LIPF: variants seen among roughly 807,000 people sequenced by gnomAD.
LIPF encodes the protein gastric triacylglycerol lipase.
LIPF carries 25 observed loss-of-function variants against 38.0 expected under a neutral mutation model. That is an observed-to-expected ratio of 0.66 (90% CI 0.48 to 0.92). LIPF has a LOEUF of 0.92. LIPF is among the 40% of genes least tolerant of loss of function. The pLI is 0.00. For missense variants in LIPF, 410 were observed against 469.9 expected (o/e 0.87, Z 1.18); for synonymous variants, 161 against 156.2 (o/e 1.03, Z -0.23).
intron 4 of LIPF, 29 bp downstream of exon 4, chr10:88,668,785 C>A (rs1841552933): frequency 6.3e-7 from 1 of 1,590,356 alleles, no homozygotes. Context: ...TAAAAATAAA[C>A]ACTGGGCTTT....
chr10:88,672,639 C>T (rs1331702015), intron 6 of LIPF, among the ~76,000 whole-genome samples: 2 of 126,444 alleles, frequency 1.6e-5, no homozygotes, highest in Non-Finnish European at 3.2e-5. Flanking sequence ...CACACACACA[C>T]ACACACACAC....
At chr10:88,675,399 T>G (rs1169224937) in intron 7 of LIPF, 187 bp from the exon 8 acceptor site, 8 of 492,112 alleles carry the variant, frequency 1.6e-5, no homozygotes, top group South Asian at 3.6e-5. Context: ...ACAAATTAAA[T>G]GGGTTAACAC....
At chr10:88,673,264 G>C (rs560783300) in intron 6 of LIPF, among the ~76,000 whole-genome samples, 1 of 152,152 alleles carries the variant, frequency 6.6e-6, no homozygotes, top group South Asian at 2.1e-4. Flanking sequence ...CATTATGACA[G>C]TCTGTCATGT....
Position 88,670,002 on chromosome 10 carries a change from G to A in LIPF, c.532+56G>A, listed in dbSNP as rs546126718. The A allele has an allele frequency of 1.8e-4, 202 of 1,105,690 alleles. 4 individuals are homozygous for A. The South Asian group carries it at 2.6e-3, about 14-fold the overall frequency. 68.5% of individuals were successfully genotyped at this position (1,105,690 alleles called of 1,614,324 possible). ...TACTTCTCATAAACACTTTCCCAGT[G>A]GTTATGGTAGGCATGTTAGCAACCA... On this transcript the variant is annotated intron_variant, in intron 5 of 9. Transcript: ENST00000238983.
chr10:88,675,700 C>CA (rs1405753242), intron 8 of LIPF, 43 bp downstream of exon 8: 1 of 1,394,838 alleles, frequency 7.2e-7, no homozygotes, highest in African/African-American at 1.4e-5. Flanking sequence ...TTGTGAGTCT[C>CA]AACCCTTTTC....
intron 3 of LIPF, among the ~76,000 whole-genome samples, chr10:88,668,296 A>T (rs972246346): frequency 2.0e-5 from 3 of 152,180 alleles, no homozygotes; most frequent in Admixed American, 6.5e-5. Flanking sequence ...TGAGAATATA[A>T]TTTTTTCAAT....
At chr10:88,672,092 G>A (rs377464061) in intron 6 of LIPF, 127 bp downstream of exon 6, 308 of 883,566 alleles carry the variant, frequency 3.5e-4, no homozygotes, top group Non-Finnish European at 4.6e-4. Context: ...GGAACTGTTC[G>A]CATCTGTATT....
At chr10:88,667,733 T>TCCTTCTTTCTTCTTCCTTC (rs754992271) in intron 3 of LIPF, 47 bp downstream of exon 3, 2 of 804,834 alleles carry the variant, frequency 2.5e-6, no homozygotes, top group South Asian at 3.5e-5. Context: ...TTTTTTCCTT[T>TCCTTCTTTCTTCTTCCTTC]CCTTCTTTCT....
chr10:88,667,229 A>G (rs1252940171), intron 1 of LIPF, 58 bp from the exon 2 acceptor site: 1 of 939,090 alleles, frequency 1.1e-6, no homozygotes. Flanking sequence ...GGCATAAAAT[A>G]TAAGCATTAT....
At chr10:88,674,328 C>T (rs1388705093) in intron 7 of LIPF, among the ~76,000 whole-genome samples, 1 of 152,128 alleles carries the variant, frequency 6.6e-6, no homozygotes, top group East Asian at 1.9e-4. Context: ...GCCACCACGC[C>T]CGGCTAATTT....
chr10:88,671,870 AT>A lies in LIPF; in HGVS notation c.575del (p.Ile192ThrfsTer7), dbSNP rs775976802. 30 of 1,613,548 alleles carry A rather than the reference AT, an allele frequency of 1.9e-5. No homozygotes were observed. The Admixed American group carries it at 4.7e-4, about 25-fold the overall frequency. ...FSTNPSLAKR[I>X]KTFYALAPVA... ...CACCAATCCCAGCCTGGCTAAAAGAATCAAAACCTTCTATGCTCTAGCTCCT... is the reference window on the plus strand; with the variant it reads ...CACCAATCCCAGCCTGGCTAAAAGAACAAAACCTTCTATGCTCTAGCTCCT... On this transcript the variant is annotated frameshift_variant, in exon 6 of 10. Transcript: ENST00000238983. LOFTEE classifies it high-confidence loss of function.
chr10:88,671,963 A>C lies in LIPF; in HGVS notation c.667A>C (p.Lys223Gln). 1 of 1,608,272 alleles carries C rather than the reference A, an allele frequency of 6.2e-7. No homozygotes were observed. The highest frequency in any genetic ancestry group is 1.7e-5 in the Admixed American group (1 of 59,046). ...TAGATTTGTTCCTCAATCCCTCTTC[A>C]AGGTATGCAATTCTCTTTAATTAAG... ...KLRFVPQSLFKFIFGDKIFYP... is the reference protein window; with the variant it reads ...KLRFVPQSLFQFIFGDKIFYP... Residue 223 changes from lysine (K) to glutamine (Q), a missense_variant and splice_region_variant, in exon 6 of 10, where the codon AAG (lysine) becomes CAG (glutamine). Coordinates refer to ENST00000238983, the MANE Select transcript of LIPF (RefSeq NM_004190.4).
At chr10:88,666,565 T>C (rs1467444859) in intron 1 of LIPF, among the ~76,000 whole-genome samples, 2 of 152,060 alleles carry the variant, frequency 1.3e-5, no homozygotes, top group Non-Finnish European at 2.9e-5. Flanking sequence ...ATACCAAATA[T>C]TGTCTATAAG....
At chr10:88,665,737 ATTTTT>A (rs68081693) in intron 1 of LIPF, among the ~76,000 whole-genome samples, 2,745 of 100,230 alleles carry the variant, frequency 0.027, 67 homozygotes, top group African/African-American at 0.091. Context: ...TTAAAAACTG[ATTTTT>A]TTTTTTTTTT....
chr10:88,668,893 T>C, intron 4 of LIPF, 137 bp downstream of exon 4: 2 of 740,088 alleles, frequency 2.7e-6, no homozygotes, highest in Non-Finnish European at 4.4e-6. Context: ...TAATCCATTC[T>C]TGGATTCTTC....
At position 88,678,721 on chromosome 10, in the gene LIPF, A is replaced by G; in HGVS notation, c.*40A>G. On this transcript the variant is annotated 3_prime_UTR_variant, in exon 10 of 10. Transcript: ENST00000238983. Reference sequence around the variant, plus strand: ...AATTATCCGTTTGTTTTTCCAAAATACTTTATTCTCTCATACATAGTATTT... The same window carrying G: ...AATTATCCGTTTGTTTTTCCAAAATGCTTTATTCTCTCATACATAGTATTT... 2 of 1,335,546 alleles carry G rather than the reference A, an allele frequency of 1.5e-6. No homozygotes were observed. Among genetic ancestry groups the G allele is most frequent in the East Asian group, 2.3e-5 (1 of 43,498 alleles). The allele number at this position is 1,335,546 out of a possible 1,614,324, so 82.7% of individuals were successfully genotyped here. A position where few individuals can be genotyped will look rare whatever the true frequency, so the allele number is the denominator to read the frequency against.
rs1431416992 is a variant in LIPF, at chr10:88,678,603, G to T, written c.1119G>T (p.Leu373Phe). Residue 373 changes from leucine (L) to phenylalanine (F), a missense_variant, in exon 10 of 10, where the codon TTG (leucine) becomes TTT (phenylalanine). Transcript: ENST00000238983. ...YHKEIPFYNH[L>F]DFIWAMDAPQ... Reference sequence around the variant, plus strand: ...AGGAGATTCCTTTTTACAATCACTTGGACTTTATCTGGGCAATGGATGCCC... The same window carrying T: ...AGGAGATTCCTTTTTACAATCACTTTGACTTTATCTGGGCAATGGATGCCC... The T allele has an allele frequency of 6.2e-7, 1 of 1,613,716 alleles. No individual in the cohort carries two copies. Among genetic ancestry groups the T allele is most frequent in the Non-Finnish European group, 8.5e-7 (1 of 1,179,842 alleles).
rs1397424838 is a variant in LIPF, at chr10:88,678,527, C to A, written c.1043C>A (p.Pro348His). The change falls in exon 10 of 10, where the codon CCC becomes CAC. Residue 348 changes from proline to histidine, a missense_variant. Coordinates refer to ENST00000238983, the MANE Select transcript of LIPF (RefSeq NM_004190.4). ...GGTGGCAAGGACCTGTTGGCTGACC[C>A]CCAAGATGTTGGCCTTTTGCTTCCA... ...WNGGKDLLAD[P>H]QDVGLLLPKL... 7 of 1,613,914 alleles carry A rather than the reference C, an allele frequency of 4.3e-6. No individual in the cohort carries two copies. The highest frequency in any genetic ancestry group is 5.1e-6 in the Non-Finnish European group (6 of 1,179,914).
chr10:88,676,094 A>G lies in LIPF; in HGVS notation c.889-115A>G, dbSNP rs1841681824. On this transcript the variant is annotated intron_variant, in intron 8 of 9. Transcript: ENST00000238983. ...ATTATTAATAATCTTTTGGAATGAG[A>G]AAAATGTTTCTTAATAATTGTTTAA... The G allele has an allele frequency of 6.4e-6, 4 of 625,902 alleles. No homozygotes were observed. In the Admixed American group the frequency reaches 1.0e-4, roughly 16 times the overall value. 38.8% of individuals were successfully genotyped at this position (625,902 alleles called of 1,614,324 possible). A position where few individuals can be genotyped will look rare whatever the true frequency, so the allele number is the denominator to read the frequency against.
Sources: allele counts gnomAD v4.1 joint callset (sites outside exome capture counted in the v4.1 genomes callset), GRCh38; gene constraint gnomAD v4.1.1; transcripts MANE v1.5; gene names NCBI Gene and HGNC (gene_info 2026-07-23, HGNC 2026-07-21).